The following TBL1Y variants were observed in gnomAD, a reference collection of about 807,000 sequenced individuals.
TBL1Y encodes the protein transducin beta like 1 Y-linked.
A neutral mutation model predicts 12.0 loss-of-function variants in TBL1Y; 15 were observed. That is an observed-to-expected ratio of 1.25 (90% CI 0.83 to 1.92). The LOEUF is 1.92. Among genes scored for constraint, TBL1Y ranks in the 40% most tolerant of loss-of-function variants. TBL1Y has a pLI of 0.00. For missense variants in TBL1Y, 148 were observed against 116.7 expected (o/e 1.27, Z -1.24); for synonymous variants, 53 against 42.6 (o/e 1.24, Z -0.95).
In TBL1Y at chrY:7,050,092, G is replaced by A; in HGVS notation, c.204+6967G>A. ...ATTTAACCAGTTACCACAGAGACCAGAGACTCACTGGTAAGAAATTCTTAC... is the reference window on the plus strand; with the variant it reads ...ATTTAACCAGTTACCACAGAGACCAAAGACTCACTGGTAAGAAATTCTTAC... On this transcript the variant is annotated intron_variant, in intron 7 of 18. Transcript: ENST00000383032. Among the ~76,000 whole-genome samples the A allele has an allele frequency of 1.2e-4, 4 of 33,574 alleles. No homozygotes were observed. In the East Asian group the frequency reaches 2.3e-3, roughly 20 times the overall value. 90.1% of individuals were successfully genotyped at this position (33,574 alleles called of 37,273 possible).
At chrY:7,089,819 C>T in intron 17 of TBL1Y, among the ~76,000 whole-genome samples, 8 of 32,620 alleles carry the variant, frequency 2.5e-4, no homozygotes, top group East Asian at 1.6e-3. Context: ...CATCAGTCCT[C>T]GCTGGGCACA....
intron 8 of TBL1Y, among the ~76,000 whole-genome samples, chrY:7,064,489 G>C (rs963500111): frequency 1.5e-4 from 5 of 33,660 alleles, no homozygotes; most frequent in East Asian, 7.8e-4. Flanking sequence ...TCCATGTTGA[G>C]TGTTTTTGGC....
At chrY:6,935,417 G>C in intron 2 of TBL1Y, among the ~76,000 whole-genome samples, 2 of 33,052 alleles carry the variant, frequency 6.1e-5, no homozygotes, top group Non-Finnish European at 1.5e-4. Context: ...GGTGCTTCAT[G>C]TTGTTGCACG....
intron 4 of TBL1Y, among the ~76,000 whole-genome samples, chrY:7,019,020 T>C: frequency 3.0e-5 from 1 of 33,389 alleles, no homozygotes. Flanking sequence ...ACTGTCACTA[T>C]ACATGCACGG....
At chrY:7,064,475 G>A (rs779512469) in intron 8 of TBL1Y, among the ~76,000 whole-genome samples, 2 of 33,562 alleles carry the variant, frequency 6.0e-5, no homozygotes, top group East Asian at 7.8e-4. Context: ...TCAGCCTCCA[G>A]CCCTCCATGT....
Position 7,043,008 on chromosome Y carries a change from G to A in TBL1Y, c.87G>A (p.Gly29=). The change falls in exon 7 of 19, where the codon GGG becomes GGA. Residue 29 remains glycine (G), a synonymous_variant. Coordinates refer to ENST00000383032, the MANE Select transcript of TBL1Y (RefSeq NM_033284.2). ...SGFSHSAFTF[G]IESHISQSNI... is the part of the protein sequence containing the mutation. ...TTTCTCACTCGGCTTTCACGTTTGGGATCGAGAGCCACATCAGCCAGTCCA... is the reference window on the plus strand; with the variant it reads ...TTTCTCACTCGGCTTTCACGTTTGGAATCGAGAGCCACATCAGCCAGTCCA... 2.5e-6 allele frequency: 1 copy of A among 396,067 alleles called. No individual in the cohort carries two copies. Among genetic ancestry groups the A allele is most frequent in the South Asian group, 3.0e-5 (1 of 33,230 alleles).
chrY:6,965,780 A>G (rs1603031360), intron 2 of TBL1Y, among the ~76,000 whole-genome samples: 1 of 33,274 alleles, frequency 3.0e-5, no homozygotes, highest in South Asian at 6.9e-4. Flanking sequence ...AGGTAAATGG[A>G]AAGGAATCAT....
intron 3 of TBL1Y, among the ~76,000 whole-genome samples, chrY:6,978,913 G>A (rs2012263416): frequency 3.1e-5 from 1 of 32,450 alleles, no homozygotes; most frequent in Non-Finnish European, 7.5e-5. Context: ...TTGTACAACA[G>A]TGCACTATTA....
At chrY:7,059,621 CTT>C (rs2012845769) in intron 7 of TBL1Y, among the ~76,000 whole-genome samples, 1 of 33,444 alleles carries the variant, frequency 3.0e-5, no homozygotes, top group Non-Finnish European at 7.4e-5. Flanking sequence ...TGCTAAAAGA[CTT>C]TAGTTTTCAG....
chrY:7,087,330 C>G lies in TBL1Y; in HGVS notation c.1344C>G (p.Leu448=). ...DVEQGVCTHT[L]MKHQEPVYSV... ...AGCAAGGTGTCTGCACCCACACACTCATGAAGCATCAAGAGCCTGTCTACA... is the reference window on the plus strand; with the variant it reads ...AGCAAGGTGTCTGCACCCACACACTGATGAAGCATCAAGAGCCTGTCTACA... The change falls in exon 17 of 19, where the codon CTC becomes CTG. Residue 448 remains leucine (L), a synonymous_variant. Transcript: ENST00000383032. The G allele has an allele frequency of 2.5e-6, 1 of 392,837 alleles. No individual in the cohort carries two copies.
chrY:6,966,297 C>T (rs2012168395), intron 2 of TBL1Y, among the ~76,000 whole-genome samples: 1 of 32,492 alleles, frequency 3.1e-5, no homozygotes, highest in Non-Finnish European at 7.5e-5. Flanking sequence ...TCAGGTGATC[C>T]ACCTGCCTCG....
intron 2 of TBL1Y, among the ~76,000 whole-genome samples, chrY:6,934,784 C>A (rs2011891794): frequency 3.0e-5 from 1 of 33,424 alleles, no homozygotes; most frequent in African/African-American, 1.2e-4. Flanking sequence ...AACTCCTGGG[C>A]TGAAGCAGTC....
chrY:7,082,330 T>A (rs1023118474), intron 14 of TBL1Y, among the ~76,000 whole-genome samples: 21 of 33,282 alleles, frequency 6.3e-4, no homozygotes, highest in African/African-American at 2.5e-3. Context: ...CTTAACAAAT[T>A]CCTTACTGTG....
At chrY:7,063,867 T>A in intron 7 of TBL1Y, 30 bp from the exon 8 acceptor site, 1 of 397,741 alleles carries the variant, frequency 2.5e-6, no homozygotes, top group Non-Finnish European at 3.5e-6. Context: ...CCTTGTGAGC[T>A]GATGGCTGTC....
At chrY:6,966,068 T>C (rs763847186) in intron 2 of TBL1Y, among the ~76,000 whole-genome samples, 1 of 32,752 alleles carries the variant, frequency 3.1e-5, no homozygotes, top group Admixed American at 2.7e-4. Flanking sequence ...ACTTTGCATA[T>C]TTTTCCTTTT....
intron 2 of TBL1Y, among the ~76,000 whole-genome samples, chrY:6,943,752 A>G (rs1004364050): frequency 5.9e-5 from 2 of 34,164 alleles, no homozygotes; most frequent in African/African-American, 1.1e-4. Context: ...AAAACCAACT[A>G]AAGCATGAAG....
intron 4 of TBL1Y, among the ~76,000 whole-genome samples, chrY:7,012,694 G>T: frequency 1.2e-4 from 4 of 33,809 alleles, no homozygotes; most frequent in Non-Finnish European, 3.0e-4. Flanking sequence ...CTCCTATTAC[G>T]TACCGAATCC....
intron 2 of TBL1Y, among the ~76,000 whole-genome samples, chrY:6,971,234 A>G (rs2012204794): frequency 5.9e-5 from 2 of 33,962 alleles, no homozygotes; most frequent in Non-Finnish European, 1.5e-4. Context: ...GCTGGCTCAC[A>G]TTTCTTGTCA....
At chrY:7,082,510 A>G in intron 14 of TBL1Y, among the ~76,000 whole-genome samples, 1 of 33,793 alleles carries the variant, frequency 3.0e-5, no homozygotes, top group East Asian at 7.9e-4. Flanking sequence ...TCCTAAAGAC[A>G]TGTGCAGCCA....
Sources: gnomAD v4.1 joint callset for allele counts (sites outside exome capture counted in the v4.1 genomes callset) on GRCh38, gnomAD v4.1.1 for gene constraint, MANE v1.5 for transcripts, NCBI Gene and HGNC (gene_info 2026-07-23, HGNC 2026-07-21) for gene names.